Variants in SPACA7 observed in about 807,000 individuals in gnomAD.
SPACA7 encodes sperm acrosome-associated protein 7.
A neutral mutation model predicts 26.3 loss-of-function variants in SPACA7; 19 were observed. The ratio of observed to expected loss-of-function variants is 0.72; its 90% confidence interval spans 0.50 to 1.06. SPACA7 has a LOEUF of 1.06. SPACA7 is among the 50% of genes least tolerant of loss of function. The pLI is 0.00. For missense variants in SPACA7, 211 were observed against 229.9 expected, an observed-to-expected ratio of 0.92 and a Z score of 0.53; for synonymous variants, 84 against 84.5, an observed-to-expected ratio of 0.99 and a Z score of 0.04.
At chr13:112,406,050 T>G (rs187888721) in intron 5 of SPACA7, among the ~76,000 whole-genome samples, 4 of 152,374 alleles carry the variant, frequency 2.6e-5, no homozygotes, top group Non-Finnish European at 5.9e-5. Flanking sequence ...CTTTTATTTT[T>G]ATTCATTTGC....
chr13:112,411,262 CCTTT>C (rs1886334132), intron 5 of SPACA7, among the ~76,000 whole-genome samples: 5 of 151,976 alleles, frequency 3.3e-5, no homozygotes, highest in Admixed American at 2.6e-4. Context: ...TCCCTAATTC[CCTTT>C]TTTTCTTATT....
chr13:112,383,145 GAAAGAAAGAAAGAA>G (rs1884271804), intron 1 of SPACA7, among the ~76,000 whole-genome samples: 1 of 70,624 alleles, frequency 1.4e-5, no homozygotes, highest in Non-Finnish European at 2.7e-5. Context: ...AAGAAAGAAA[GAAAGAAAGAAAGAA>G]AGAAAGAAAG....
intron 5 of SPACA7, among the ~76,000 whole-genome samples, chr13:112,418,167 A>T (rs1455766523): frequency 3.3e-5 from 5 of 152,200 alleles, no homozygotes; most frequent in Non-Finnish European, 7.3e-5. Context: ...AAATATAATA[A>T]ACATTTTTAA....
chr13:112,432,173 T>C (rs1420957896), intron 5 of SPACA7, among the ~76,000 whole-genome samples: 1 of 152,110 alleles, frequency 6.6e-6, no homozygotes, highest in Non-Finnish European at 1.5e-5. Flanking sequence ...CCTAAGAGTG[T>C]AAAGAGAAAA....
At position 112,402,007 on chromosome 13, in the gene SPACA7, T is replaced by C. The variant is rs190403844; in HGVS notation, c.445+843T>C. On this transcript the variant is annotated intron_variant, in intron 5 of 6. Transcript: ENST00000283550. Reference sequence around the variant, plus strand: ...ACCTCTGGGACACACTTCCCTCTTTTAGTTTTTTTAGCTTTTCTTTTTCCA... The same window carrying C: ...ACCTCTGGGACACACTTCCCTCTTTCAGTTTTTTTAGCTTTTCTTTTTCCA... Among the ~76,000 whole-genome samples, 730 of 152,330 alleles carry C rather than the reference T, an allele frequency of 4.8e-3. 3 individuals carry two copies. Among genetic ancestry groups the C allele is most frequent in the Non-Finnish European group, 7.7e-3 (524 of 68,034 alleles).
chr13:112,386,559 C>T (rs767339746), intron 1 of SPACA7, among the ~76,000 whole-genome samples: 7 of 151,906 alleles, frequency 4.6e-5, no homozygotes, highest in African/African-American at 7.2e-5. Flanking sequence ...AAGGAGTCCC[C>T]GGCTACCAGA....
intron 5 of SPACA7, among the ~76,000 whole-genome samples, chr13:112,407,339 C>A (rs1442890835): frequency 6.6e-6 from 1 of 152,074 alleles, no homozygotes. Flanking sequence ...CATTCAAAAG[C>A]TAGCAGAAGG....
rs764637164 is a variant in SPACA7, at chr13:112,393,081, A to G, written c.151+4A>G. ...GAGGATATGTCTGAATTATTAGGTAAGGAAGCCCCTCCTATCAACCTCTGG... is the reference window on the plus strand; with the variant it reads ...GAGGATATGTCTGAATTATTAGGTAGGGAAGCCCCTCCTATCAACCTCTGG... On this transcript the variant is annotated splice_donor_region_variant and intron_variant, in intron 2 of 6. Coordinates refer to ENST00000283550, the MANE Select transcript of SPACA7 (RefSeq NM_145248.5). 6.2e-7 allele frequency: 1 copy of G among 1,612,394 alleles called. No individual in the cohort carries two copies. The highest frequency in any genetic ancestry group is 1.1e-5 in the South Asian group (1 of 90,750).
Position 112,398,776 on chromosome 13 carries a change from G to A in SPACA7, c.242-290G>A, listed in dbSNP as rs146647925. ...CCACACAGTGCATGAAAGTGTATTC[G>A]GCAGCAGGAAAGTTCAGCACTCTTG... On this transcript the variant is annotated intron_variant, in intron 3 of 6. Coordinates refer to ENST00000283550, the MANE Select transcript of SPACA7 (RefSeq NM_145248.5). 5.9e-3 allele frequency among the ~76,000 whole-genome samples: 895 copies of A among 152,280 alleles called. 7 individuals carry two copies. Among genetic ancestry groups the A allele is most frequent in the African/African-American group, 0.021 (857 of 41,552 alleles).
intron 5 of SPACA7, among the ~76,000 whole-genome samples, chr13:112,417,539 C>A (rs546663704): frequency 6.6e-6 from 1 of 152,226 alleles, no homozygotes; most frequent in Non-Finnish European, 1.5e-5. Context: ...CCTTTTGCTA[C>A]TTTTGTCCTT....
intron 5 of SPACA7, among the ~76,000 whole-genome samples, chr13:112,431,065 AC>A (rs1877081690): frequency 6.6e-6 from 1 of 152,178 alleles, no homozygotes; most frequent in Non-Finnish European, 1.5e-5. Flanking sequence ...GGTAGTGAGG[AC>A]CAACCACCGG....
intron 2 of SPACA7, among the ~76,000 whole-genome samples, chr13:112,396,913 C>T (rs779182502): frequency 7.9e-5 from 12 of 152,230 alleles, no homozygotes; most frequent in South Asian, 6.2e-4. Flanking sequence ...GGGCAGGAGG[C>T]GGGGGTGCAG....
chr13:112,399,386 A>G (rs149276311), intron 4 of SPACA7, among the ~76,000 whole-genome samples: 6 of 152,348 alleles, frequency 3.9e-5, no homozygotes, highest in Non-Finnish European at 7.3e-5. Context: ...CCGACCCTGG[A>G]AAAAACACAG....
intron 1 of SPACA7, among the ~76,000 whole-genome samples, chr13:112,383,129 GAAAGAAAGAA>G (rs1555324454): frequency 2.4e-4 from 2 of 8,278 alleles, no homozygotes; most frequent in Non-Finnish European, 4.7e-4. Flanking sequence ...AGAAAAGAAA[GAAAGAAAGAA>G]AGAAAGAAAG....
At chr13:112,413,212 C>G (rs1194266740) in intron 5 of SPACA7, among the ~76,000 whole-genome samples, 1 of 152,094 alleles carries the variant, frequency 6.6e-6, no homozygotes, top group Non-Finnish European at 1.5e-5. Flanking sequence ...ACATTAGCAC[C>G]CTTTTCTTTC....
chr13:112,415,852 C>A (rs78840601), intron 5 of SPACA7, among the ~76,000 whole-genome samples: 2 of 152,022 alleles, frequency 1.3e-5, no homozygotes, highest in Non-Finnish European at 2.9e-5. Context: ...TGCAGGGCAG[C>A]GATTCTCCTC....
At chr13:112,379,764 T>C (rs777271547) in intron 1 of SPACA7, among the ~76,000 whole-genome samples, 1 of 152,180 alleles carries the variant, frequency 6.6e-6, no homozygotes, top group Non-Finnish European at 1.5e-5. Flanking sequence ...CTCTGGGAAA[T>C]CTCAAAATTA....
chr13:112,392,733 T>C (rs9577351), intron 1 of SPACA7, among the ~76,000 whole-genome samples: 19,789 of 152,124 alleles, frequency 0.13, 3,193 homozygotes, highest in African/African-American at 0.37. Flanking sequence ...GGGGTGATTC[T>C]AGGGACCAGG....
chr13:112,428,553 CTGGG>C lies in SPACA7; in HGVS notation c.446-3888_446-3885del, dbSNP rs1876762279. ...CAAGATCATGCCACTGCACTCCGGT[CTGGG>C]TGACAAAGCGAGACTCTATCTCAAA... is the stretch of plus-strand genomic sequence containing the variant. On this transcript the variant is annotated intron_variant, in intron 5 of 6. Transcript: ENST00000283550. Among the ~76,000 whole-genome samples the C allele has an allele frequency of 2.6e-5, 4 of 152,046 alleles. No homozygotes were observed. The South Asian group carries it at 8.3e-4, about 32-fold the overall frequency.
Sources: gnomAD v4.1 joint callset for allele counts (sites outside exome capture counted in the v4.1 genomes callset) on GRCh38, gnomAD v4.1.1 for gene constraint, MANE v1.5 for transcripts, NCBI Gene and HGNC (gene_info 2026-07-23, HGNC 2026-07-21) for gene names.